Variants in ARB2A observed in about 807,000 individuals in gnomAD.
ARB2A encodes the protein ARB2 cotranscriptional regulator A.
At chr5:94,055,556 T>C in the ARB2A span, 203 of 777,316 alleles carry the variant, frequency 2.6e-4, no homozygotes, top group Non-Finnish European at 3.0e-4. Context: ...ATCCCCAATA[T>C]AAAAAAAAAG....
chr5:94,056,138 C>T, the ARB2A span, among the ~76,000 whole-genome samples: 2 of 152,304 alleles, frequency 1.3e-5, no homozygotes, highest in African/African-American at 2.4e-5. Context: ...AGCACTCTTT[C>T]AAAAATCACC....
the ARB2A span, among the ~76,000 whole-genome samples, chr5:93,749,603 C>G: frequency 1.3e-5 from 2 of 152,098 alleles, no homozygotes; most frequent in African/African-American, 2.4e-5. Context: ...ATTTTACAGA[C>G]AGTGTGATTG....
At chr5:93,945,595 A>G in the ARB2A span, among the ~76,000 whole-genome samples, 2 of 152,154 alleles carry the variant, frequency 1.3e-5, no homozygotes, top group Admixed American at 1.3e-4. Flanking sequence ...TGGAATGGTT[A>G]AAAGAAAAAG....
At chr5:93,677,187 C>A in the ARB2A span, among the ~76,000 whole-genome samples, 1 of 152,148 alleles carries the variant, frequency 6.6e-6, no homozygotes, top group Non-Finnish European at 1.5e-5. Flanking sequence ...AGTTAAAACT[C>A]AACTGCCAGC....
chr5:93,822,427 G>T, the ARB2A span, among the ~76,000 whole-genome samples: 1 of 152,194 alleles, frequency 6.6e-6, no homozygotes, highest in African/African-American at 2.4e-5. Flanking sequence ...TTTTAAGTTT[G>T]GTGTGTAAAG....
At chr5:93,990,685 A>G in the ARB2A span, among the ~76,000 whole-genome samples, 123 of 151,686 alleles carry the variant, frequency 8.1e-4, no homozygotes, top group African/African-American at 2.9e-3. Context: ...ACTCAGAGTC[A>G]TAATAGAGTT....
the ARB2A span, among the ~76,000 whole-genome samples, chr5:93,725,684 T>C: frequency 6.6e-6 from 1 of 152,030 alleles, no homozygotes; most frequent in Admixed American, 6.6e-5. Flanking sequence ...GTTAAAAAGA[T>C]AGATACCAAA....
At chr5:93,765,016 A>C in the ARB2A span, among the ~76,000 whole-genome samples, 105 of 152,358 alleles carry the variant, frequency 6.9e-4, no homozygotes, top group South Asian at 2.5e-3. Context: ...AAAAACTCTC[A>C]ATAAATTAGG....
At chr5:93,906,640 T>C in the ARB2A span, among the ~76,000 whole-genome samples, 10 of 151,730 alleles carry the variant, frequency 6.6e-5, no homozygotes, top group Admixed American at 5.9e-4. Flanking sequence ...TATATGCTAA[T>C]GTTAAGCTAA....
At chr5:94,083,038 ATCC>A in the ARB2A span, among the ~76,000 whole-genome samples, 1 of 152,178 alleles carries the variant, frequency 6.6e-6, no homozygotes, top group East Asian at 1.9e-4. Context: ...AAAGCTCCGA[ATCC>A]TCCTGCTTTC....
the ARB2A span, among the ~76,000 whole-genome samples, chr5:93,726,303 G>A: frequency 6.6e-6 from 1 of 152,016 alleles, no homozygotes; most frequent in South Asian, 2.1e-4. Context: ...TCACTGGGCT[G>A]TCAACTATAA....
At chr5:93,741,258 C>T in the ARB2A span, 144 of 1,613,872 alleles carry the variant, frequency 8.9e-5, no homozygotes, top group Middle Eastern at 1.6e-4. Flanking sequence ...CAATGTAGGG[C>T]CCCGGGAGGG....
the ARB2A span, among the ~76,000 whole-genome samples, chr5:93,661,245 T>C: frequency 2.0e-5 from 3 of 152,268 alleles, no homozygotes; most frequent in African/African-American, 7.2e-5. Flanking sequence ...GCTAGCAGCA[T>C]ATACAGCGGG....
chr5:93,956,118 AT>A, the ARB2A span, among the ~76,000 whole-genome samples: 2 of 152,218 alleles, frequency 1.3e-5, no homozygotes, highest in Non-Finnish European at 2.9e-5. Context: ...ACTTGTGGGG[AT>A]TTATCTGATA....
At chr5:94,032,411 C>G in the ARB2A span, among the ~76,000 whole-genome samples, 3 of 152,138 alleles carry the variant, frequency 2.0e-5, no homozygotes, top group Non-Finnish European at 4.4e-5. Context: ...TTTAAACAAG[C>G]AGATCTTGTG....
the ARB2A span, among the ~76,000 whole-genome samples, chr5:93,977,829 A>T: frequency 6.6e-6 from 1 of 152,198 alleles, no homozygotes; most frequent in Non-Finnish European, 1.5e-5. Flanking sequence ...GTTAACTGAC[A>T]ATCTATAGAA....
the ARB2A span, among the ~76,000 whole-genome samples, chr5:93,820,444 G>A: frequency 6.6e-6 from 1 of 152,034 alleles, no homozygotes; most frequent in African/African-American, 2.4e-5. Flanking sequence ...TGATGAAGAA[G>A]GTCAAAAACT....
the ARB2A span, among the ~76,000 whole-genome samples, chr5:93,875,390 C>G: frequency 3.3e-5 from 5 of 152,086 alleles, no homozygotes; most frequent in South Asian, 2.1e-4. Context: ...CACCACCATG[C>G]CTGGCTAATT....
At chr5:94,057,370 G>C in the ARB2A span, among the ~76,000 whole-genome samples, 1 of 152,154 alleles carries the variant, frequency 6.6e-6, no homozygotes, top group Non-Finnish European at 1.5e-5. Context: ...AACGGTGGTT[G>C]CTGAGGGCTG....
Sources: allele counts gnomAD v4.1 joint callset (sites outside exome capture counted in the v4.1 genomes callset), GRCh38; gene constraint gnomAD v4.1.1; transcripts MANE v1.5; gene names NCBI Gene and HGNC (gene_info 2026-07-23, HGNC 2026-07-21).